Variants in AP2B1 observed in about 807,000 individuals in gnomAD.
The protein encoded by AP2B1 is AP-2 complex subunit beta.
Under a neutral mutation model 102.0 loss-of-function variants are expected in AP2B1, and 23 were observed. The ratio of observed to expected loss-of-function variants is 0.23; its 90% CI spans 0.16 to 0.32. AP2B1 has a LOEUF of 0.32. Among genes scored for constraint, AP2B1 ranks in the 10% least tolerant of loss-of-function variants. The probability of loss-of-function intolerance (pLI) is 1.00; values close to 1 mark genes in which losing one functional copy is unlikely to be tolerated. For synonymous variants in AP2B1, 381 were observed against 421.2 expected (o/e 0.90, Z 1.17); for missense variants, 541 against 1,157.4 (o/e 0.47, Z 7.73).
chr17:35,696,200 C>A (rs587658841), intron 18 of AP2B1, among the ~76,000 whole-genome samples: 1 of 152,210 alleles, frequency 6.6e-6, no homozygotes, highest in South Asian at 2.1e-4. Flanking sequence ...ATGCTGCCAC[C>A]TCATGACCTT....
At chr17:35,626,529 C>T (rs1275609966) in intron 6 of AP2B1, 92 bp from the exon 7 acceptor site, 2 of 1,046,764 alleles carry the variant, frequency 1.9e-6, no homozygotes, top group African/African-American at 1.6e-5. Flanking sequence ...TTTTTTGATA[C>T]TTGGCCATTA....
chr17:35,655,489 G>GTTTT (rs1261028011), intron 13 of AP2B1, among the ~76,000 whole-genome samples: 1 of 152,146 alleles, frequency 6.6e-6, no homozygotes, highest in Non-Finnish European at 1.5e-5. Context: ...ATTAATCTGT[G>GTTTT]TTTTTAGTAG....
intron 18 of AP2B1, 38 bp from the exon 19 acceptor site, chr17:35,709,186 T>C: frequency 6.3e-7 from 1 of 1,584,120 alleles, no homozygotes; most frequent in Non-Finnish European, 8.7e-7. Flanking sequence ...CCTGGCTCCC[T>C]GCGATGTCCT....
At chr17:35,682,889 A>G (rs1030603573) in intron 18 of AP2B1, 65 bp downstream of exon 18, 5 of 1,388,388 alleles carry the variant, frequency 3.6e-6, no homozygotes, top group Non-Finnish European at 4.9e-6. Flanking sequence ...TATTATTATT[A>G]TTTTTAAAGA....
intron 16 of AP2B1, among the ~76,000 whole-genome samples, chr17:35,673,817 C>T (rs1307388078): frequency 1.3e-5 from 2 of 152,102 alleles, no homozygotes; most frequent in African/African-American, 4.8e-5. Context: ...AACAGAAAAA[C>T]ACATTATGCT....
At chr17:35,600,885 C>G (rs225290) in intron 3 of AP2B1, 223,971 of 463,768 alleles carry the variant, frequency 0.48, 54,243 homozygotes, top group East Asian at 0.52. Context: ...GACGGGGAGC[C>G]CAGATAGAAA....
chr17:35,670,967 A>G (rs2075575126), intron 15 of AP2B1, 69 bp downstream of exon 15: 1 of 1,512,350 alleles, frequency 6.6e-7, no homozygotes. Context: ...CTATGTACAC[A>G]TTATCAGACC....
chr17:35,711,284 A>T (rs963468617), intron 20 of AP2B1, among the ~76,000 whole-genome samples: 8 of 151,600 alleles, frequency 5.3e-5, no homozygotes, highest in Non-Finnish European at 1.2e-4. Context: ...CTCTTTCCTC[A>T]TTTACCCCTC....
intron 1 of AP2B1, among the ~76,000 whole-genome samples, chr17:35,590,192 A>T (rs2073049350): frequency 6.6e-6 from 1 of 152,166 alleles, no homozygotes; most frequent in African/African-American, 2.4e-5. Flanking sequence ...TGCTGGGATT[A>T]CAGGCGTGAG....
At chr17:35,723,467 C>T (rs2085461255) in intron 21 of AP2B1, among the ~76,000 whole-genome samples, 158 bp from the exon 22 acceptor site, 1 of 152,178 alleles carries the variant, frequency 6.6e-6, no homozygotes, top group African/African-American at 2.4e-5. Flanking sequence ...ATGCTAAAAC[C>T]CACAGCACTT....
intron 20 of AP2B1, among the ~76,000 whole-genome samples, chr17:35,710,602 A>G (rs781797101): frequency 3.3e-5 from 5 of 152,270 alleles, no homozygotes; most frequent in Admixed American, 6.5e-5. Context: ...TTACTTAAAC[A>G]TCCTAATAAT....
chr17:35,688,856 C>A (rs1006854064), intron 18 of AP2B1, among the ~76,000 whole-genome samples: 4 of 152,004 alleles, frequency 2.6e-5, no homozygotes, highest in African/African-American at 9.7e-5. Flanking sequence ...CCCAGCTAAT[C>A]AGGAAGCTGA....
chr17:35,607,981 A>G (rs2073742479), intron 4 of AP2B1, 161 bp from the exon 5 acceptor site: 3 of 830,970 alleles, frequency 3.6e-6, no homozygotes, highest in African/African-American at 3.4e-5. Context: ...GGCAGCTAAG[A>G]TTTGTACTTA....
rs574524897 is a variant in AP2B1 at position 35,659,128 on chromosome 17, G to A, written c.1989+1337G>A. Among the ~76,000 whole-genome samples the A allele has an allele frequency of 1.2e-4, 19 of 152,162 alleles. No homozygotes were observed. In the East Asian group the frequency reaches 2.5e-3, roughly 20 times the overall value. On this transcript the variant is annotated intron_variant, in intron 14 of 21. Coordinates refer to ENST00000610402, the MANE Select transcript of AP2B1 (RefSeq NM_001030006.2). Reference sequence around the variant, plus strand: ...GCTGTATAGCCTCCTTATAGACTCCGGAGAGTGACAAATATTTAAATGTTC... The same window carrying A: ...GCTGTATAGCCTCCTTATAGACTCCAGAGAGTGACAAATATTTAAATGTTC...
chr17:35,695,764 A>T (rs1436469943), intron 18 of AP2B1, among the ~76,000 whole-genome samples: 1 of 152,164 alleles, frequency 6.6e-6, no homozygotes, highest in African/African-American at 2.4e-5. Context: ...TGCCTGAGAG[A>T]TAAGCCGAAA....
intron 5 of AP2B1, chr17:35,621,370 C>G (rs765572708): frequency 2.4e-5 from 24 of 982,716 alleles, no homozygotes; most frequent in Non-Finnish European, 2.8e-5. Flanking sequence ...CCTGGTGAGC[C>G]TGCCTCAGTA....
At chr17:35,673,539 G>A (rs1232929737) in intron 16 of AP2B1, among the ~76,000 whole-genome samples, 1 of 151,962 alleles carries the variant, frequency 6.6e-6, no homozygotes, top group African/African-American at 2.4e-5. Context: ...TATACCACAG[G>A]TTCCAGGACC....
chr17:35,706,653 T>A (rs2076345589), intron 18 of AP2B1, among the ~76,000 whole-genome samples: 1 of 152,004 alleles, frequency 6.6e-6, no homozygotes, highest in Non-Finnish European at 1.5e-5. Flanking sequence ...TTTCACTTTT[T>A]TTTTTTTGAG....
intron 14 of AP2B1, among the ~76,000 whole-genome samples, chr17:35,660,763 C>T (rs1483190000): frequency 2.6e-5 from 4 of 152,082 alleles, no homozygotes; most frequent in African/African-American, 4.8e-5. Context: ...GGATTATAGG[C>T]GTGAGCCACC....
Sources: allele counts gnomAD v4.1 joint callset (sites outside exome capture counted in the v4.1 genomes callset), GRCh38; gene constraint gnomAD v4.1.1; transcripts MANE v1.5; gene names NCBI Gene and HGNC (gene_info 2026-07-23, HGNC 2026-07-21).